NRXN3: variants seen among roughly 807,000 people sequenced by gnomAD.
NRXN3 encodes the protein neurexin III.
A neutral mutation model predicts 137.6 loss-of-function variants in NRXN3; 32 were observed. The observed-to-expected ratio is 0.23, with a 90% CI of 0.18 to 0.31. The LOEUF is 0.31. NRXN3 is among the 10% of genes least tolerant of loss of function. The pLI is 1.00. For synonymous variants in NRXN3, 798 were observed against 784.5 expected (o/e 1.02, Z -0.29); for missense variants, 1,574 against 2,062.5 (o/e 0.76, Z 4.59).
chr14:79,837,553 G>T (rs2099346667), intron 20 of NRXN3, among the ~76,000 whole-genome samples: 1 of 152,140 alleles, frequency 6.6e-6, no homozygotes, highest in African/African-American at 2.4e-5. Context: ...AAAACACACT[G>T]AACAGAAATA....
intron 16 of NRXN3, among the ~76,000 whole-genome samples, chr14:79,654,732 AT>A (rs563496475): frequency 6.6e-6 from 1 of 151,998 alleles, no homozygotes; most frequent in African/African-American, 2.4e-5. Flanking sequence ...GTGTATATTA[AT>A]TTTTTTTCAG....
chr14:78,858,374 A>G (rs2099063249), intron 10 of NRXN3, among the ~76,000 whole-genome samples: 1 of 152,180 alleles, frequency 6.6e-6, no homozygotes, highest in African/African-American at 2.4e-5. Context: ...TTTGTGGGCC[A>G]GGAAGCAGGC....
intron 15 of NRXN3, among the ~76,000 whole-genome samples, chr14:79,318,525 C>A (rs116789053): frequency 1.8e-3 from 271 of 152,308 alleles, no homozygotes; most frequent in African/African-American, 6.1e-3. Context: ...CTTTTAGCAT[C>A]ATCACCAAGA....
chr14:79,148,933 A>C (rs1163262784), intron 15 of NRXN3, among the ~76,000 whole-genome samples: 1 of 152,076 alleles, frequency 6.6e-6, no homozygotes, highest in African/African-American at 2.4e-5. Flanking sequence ...AAAGTCCACC[A>C]TATCCAAATG....
At position 79,548,762 on chromosome 14, in the gene NRXN3, C is replaced by A. The variant is rs75149981; in HGVS notation, c.3444+81360C>A. Among the ~76,000 whole-genome samples, 970 of 137,816 alleles carry A rather than the reference C, an allele frequency of 7.0e-3. 64 individuals are homozygous for A. The East Asian group carries it at 0.17, about 24-fold the overall frequency. The allele number at this position is 137,816 out of a possible 152,430, so 90.4% of individuals were successfully genotyped here. A position where few individuals can be genotyped will look rare whatever the true frequency, so the allele number is the denominator to read the frequency against. On this transcript the variant is annotated intron_variant, in intron 16 of 20. Coordinates refer to ENST00000335750, the MANE Select transcript of NRXN3 (RefSeq NM_001330195.2). ...ATTTAAAGATTAAAAAAAAAAAAAA[C>A]AAAAAAAATCATGTTCCCTAAACAC...
intron 16 of NRXN3, among the ~76,000 whole-genome samples, chr14:79,482,534 C>T (rs2096618829): frequency 6.6e-6 from 1 of 152,186 alleles, no homozygotes; most frequent in Non-Finnish European, 1.5e-5. Context: ...ATAGCATCTT[C>T]ACCCTCGATT....
chr14:79,859,028 G>GTGTGAATCT (rs1335304714), intron 20 of NRXN3, among the ~76,000 whole-genome samples: 1 of 148,352 alleles, frequency 6.7e-6, no homozygotes, highest in Non-Finnish European at 1.5e-5. Flanking sequence ...AGTACAGTAA[G>GTGTGAATCT]TGTGAATCTT....
chr14:79,855,255 A>G (rs1270236739), intron 20 of NRXN3, among the ~76,000 whole-genome samples: 3 of 152,230 alleles, frequency 2.0e-5, no homozygotes, highest in East Asian at 1.9e-4. Context: ...TTCAACATAC[A>G]TAAGATTGGT....
intron 15 of NRXN3, among the ~76,000 whole-genome samples, chr14:79,022,276 A>C (rs1265630616): frequency 1.3e-5 from 2 of 152,202 alleles, no homozygotes; most frequent in Non-Finnish European, 2.9e-5. Flanking sequence ...AAGAAATAGG[A>C]GCTAGAGAAC....
chr14:79,673,857 C>T (rs929083618), intron 17 of NRXN3, among the ~76,000 whole-genome samples: 26 of 151,960 alleles, frequency 1.7e-4, no homozygotes, highest in African/African-American at 4.8e-4. Context: ...TTGCAGTAGC[C>T]CCAAGGGGTA....
rs550307591 is a variant in NRXN3 at position 78,524,267 on chromosome 14, C to T, written c.758-120853C>T. Among the ~76,000 whole-genome samples, 6 of 152,232 alleles carry T rather than the reference C, an allele frequency of 3.9e-5. No homozygotes were observed. In the South Asian group the frequency reaches 6.2e-4, roughly 16 times the overall value. ...GAGTTCTGTCAGGGCCACATTCTTCCGGGATATATAAACGTGGAGAAAAGT... is the reference window on the plus strand; with the variant it reads ...GAGTTCTGTCAGGGCCACATTCTTCTGGGATATATAAACGTGGAGAAAAGT... On this transcript the variant is annotated intron_variant, in intron 4 of 20. Transcript: ENST00000335750.
intron 8 of NRXN3, among the ~76,000 whole-genome samples, chr14:78,772,113 A>G (rs2098730178): frequency 1.3e-5 from 2 of 152,298 alleles, no homozygotes; most frequent in African/African-American, 4.8e-5. Context: ...TTGTGGCATC[A>G]TGTCAGTGCT....
chr14:78,199,664 T>A (rs1400941145), intron 1 of NRXN3, among the ~76,000 whole-genome samples: 1 of 152,164 alleles, frequency 6.6e-6, no homozygotes, highest in Admixed American at 6.5e-5. Flanking sequence ...CTCTGCTATT[T>A]GATTGGTTAA....
chr14:78,432,050 A>G (rs1338900278), intron 4 of NRXN3, among the ~76,000 whole-genome samples: 1 of 152,118 alleles, frequency 6.6e-6, no homozygotes, highest in African/African-American at 2.4e-5. Context: ...TTCATTTTGG[A>G]CATGTTGAGT....
At position 79,663,921 on chromosome 14, in the gene NRXN3, C is replaced by T; in HGVS notation, c.3588C>T (p.Asn1196=). ...GCAACGCCACCCTGCAGGTGGACAACTGGCCAGTGAATGAACATTATCCTA... is the reference window on the plus strand; with the variant it reads ...GCAACGCCACCCTGCAGGTGGACAATTGGCCAGTGAATGAACATTATCCTA... The part of the protein sequence containing the change: ...NGGNATLQVD[N]WPVNEHYPTG... The change falls in exon 17 of 21, where the codon AAC becomes AAT. Residue 1196 remains asparagine (N), a synonymous_variant. Coordinates refer to ENST00000335750, the MANE Select transcript of NRXN3 (RefSeq NM_001330195.2). 6.2e-7 allele frequency: 1 copy of T among 1,613,552 alleles called. No individual in the cohort carries two copies. Among genetic ancestry groups the T allele is most frequent in the Non-Finnish European group, 8.5e-7 (1 of 1,179,654 alleles).
intron 2 of NRXN3, among the ~76,000 whole-genome samples, chr14:78,246,893 G>A (rs2067770026): frequency 6.6e-6 from 1 of 152,332 alleles, no homozygotes; most frequent in Non-Finnish European, 1.5e-5. Flanking sequence ...CCATGTCACA[G>A]TACTGAGACC....
chr14:78,285,008 T>A lies in NRXN3; in HGVS notation c.727+6346T>A, dbSNP rs550387460. 2.0e-5 allele frequency among the ~76,000 whole-genome samples: 3 copies of A among 152,340 alleles called. No homozygotes were observed. In the South Asian group the frequency reaches 6.2e-4, roughly 32 times the overall value. ...TGTAAATGCAGGTCTGGAATTCTGCTTGGTAGTTCTGCCACTTTTCCCAGG... is the reference window on the plus strand; with the variant it reads ...TGTAAATGCAGGTCTGGAATTCTGCATGGTAGTTCTGCCACTTTTCCCAGG... On this transcript the variant is annotated intron_variant, in intron 3 of 20. Coordinates refer to ENST00000335750, the MANE Select transcript of NRXN3 (RefSeq NM_001330195.2).
chr14:79,095,570 T>A (rs577585601), intron 15 of NRXN3, among the ~76,000 whole-genome samples: 131 of 146,580 alleles, frequency 8.9e-4, no homozygotes, highest in African/African-American at 3.0e-3. Flanking sequence ...TTTTTTTTTT[T>A]ACCAGGCAAT....
chr14:78,655,630 A>G lies in NRXN3; in HGVS notation c.1221+4304A>G, dbSNP rs139642115. 1.1e-4 allele frequency among the ~76,000 whole-genome samples: 17 copies of G among 152,148 alleles called. No individual in the cohort carries two copies. In the East Asian group the frequency reaches 3.1e-3, roughly 28 times the overall value. On this transcript the variant is annotated intron_variant, in intron 6 of 20. Transcript: ENST00000335750. ...ATTTGCTTACAAATATTTCCCCAGCACCTAGAGTGGACCCTGACATTAAAA... is the reference window on the plus strand; with the variant it reads ...ATTTGCTTACAAATATTTCCCCAGCGCCTAGAGTGGACCCTGACATTAAAA...
Sources: allele counts gnomAD v4.1 joint callset (sites outside exome capture counted in the v4.1 genomes callset), GRCh38; gene constraint gnomAD v4.1.1; transcripts MANE v1.5; gene names NCBI Gene and HGNC (gene_info 2026-07-23, HGNC 2026-07-21).